The following ANK1 variants were observed in gnomAD, a reference collection of about 807,000 sequenced individuals.
ANK1 encodes ankyrin 1, also known as ankyrin-1.
In ANK1, 51 loss-of-function variants were observed where a neutral mutation model predicts 210.4. The ratio of observed to expected loss-of-function variants is 0.24; its 90% confidence interval spans 0.19 to 0.31. ANK1 has a LOEUF of 0.31. ANK1 is among the 10% of genes least tolerant of loss of function. The pLI is 1.00. For synonymous variants in ANK1, 967 were observed against 1,025.9 expected (o/e 0.94, Z 1.10); for missense variants, 2,051 against 2,504.4 (o/e 0.82, Z 3.86).
intron 4 of ANK1, 111 bp downstream of exon 4, chr8:41,727,797 C>A: frequency 9.9e-7 from 1 of 1,006,736 alleles, no homozygotes; most frequent in South Asian, 1.3e-5. Flanking sequence ...AGGCCCTGCC[C>A]CACAGTAGTG....
chr8:41,690,917 C>T lies in ANK1; in HGVS notation c.3859-318G>A, dbSNP rs55924225. On this transcript the variant is annotated intron_variant, in intron 31 of 42. Transcript: ENST00000289734. ...ATAACATAGCTTCTGAAAACAACAACAACAACAACAAACCCTGGTTCTGGG... is the reference window on the plus strand; with the variant it reads ...ATAACATAGCTTCTGAAAACAACAATAACAACAACAAACCCTGGTTCTGGG... Among the ~76,000 whole-genome samples, 21,881 of 152,120 alleles carry T rather than the reference C, an allele frequency of 0.14. 3,301 individuals carry two copies. The highest frequency in any genetic ancestry group is 0.39 in the African/African-American group (16,118 of 41,452).
chr8:41,690,198 C>T (rs752855947), intron 33 of ANK1, 29 bp downstream of exon 33: 2 of 1,610,438 alleles, frequency 1.2e-6, no homozygotes, highest in African/African-American at 2.7e-5. Flanking sequence ...CCGTCTCGGG[C>T]CAAGGCTCCT....
rs772884337 is a variant in ANK1, at chr8:41,668,271, A to G, written c.5390T>C (p.Val1797Ala). 5 of 1,614,106 alleles carry G rather than the reference A, an allele frequency of 3.1e-6. No homozygotes were observed. Among genetic ancestry groups the G allele is most frequent in the Non-Finnish European group, 4.2e-6 (5 of 1,180,042 alleles). Reference sequence around the variant, plus strand: ...CAGCTCCCCTCGGGCTCTCACCTGCACCACTTGGGTGAAGGTGTTCTTGGC... The same window carrying G: ...CAGCTCCCCTCGGGCTCTCACCTGCGCCACTTGGGTGAAGGTGTTCTTGGC... ...QEAKNTFTQVVQGNEFQNIPG... is the reference protein window; with the variant it reads ...QEAKNTFTQVAQGNEFQNIPG... The change falls in exon 39 of 43, where the codon GTG (valine) becomes GCG (alanine). Residue 1797 changes from valine to alanine, a missense_variant. Coordinates refer to ENST00000289734, the MANE Select transcript of ANK1 (RefSeq NM_000037.4).
intron 24 of ANK1, among the ~76,000 whole-genome samples, chr8:41,697,181 G>A (rs760812048): frequency 6.6e-6 from 1 of 152,198 alleles, no homozygotes. Context: ...TGACCGCCTC[G>A]CCAGTTAGCT....
intron 1 of ANK1, among the ~76,000 whole-genome samples, chr8:41,856,874 C>CTTTTTTTTTTTTTTTT (rs35341809): frequency 3.1e-5 from 3 of 95,248 alleles, no homozygotes; most frequent in African/African-American, 1.4e-4. Context: ...TAACAGCCCT[C>CTTTTTTTTTTTTTTTT]TTTTTTTTTT....
At chr8:41,800,660 A>G (rs1849721754), upstream of ANK1, among the ~76,000 whole-genome samples, 1 of 152,130 alleles carries the variant, frequency 6.6e-6, no homozygotes, top group African/African-American at 2.4e-5. Context: ...TGGAAACATT[A>G]TCCTGAATTT....
intron 1 of ANK1, among the ~76,000 whole-genome samples, chr8:41,833,044 C>G (rs1806969393): frequency 6.6e-6 from 1 of 152,202 alleles, no homozygotes; most frequent in Admixed American, 6.5e-5. Context: ...CATGCCCTCT[C>G]CAACTCCCAC....
intron 2 of ANK1, among the ~76,000 whole-genome samples, chr8:41,736,634 C>T (rs16890788): frequency 0.054 from 8,157 of 152,280 alleles, 710 homozygotes; most frequent in African/African-American, 0.18. Flanking sequence ...CTTACTTGGG[C>T]AGCGCAGTCG....
At chr8:41,690,416 A>G (rs1818952580) in intron 32 of ANK1, 58 bp downstream of exon 32, 2 of 1,614,058 alleles carry the variant, frequency 1.2e-6, no homozygotes, top group South Asian at 2.2e-5. Context: ...GGTTTAGGGA[A>G]TTCTGCCTCC....
chr8:41,677,416 A>T (rs567640613), intron 37 of ANK1, among the ~76,000 whole-genome samples: 1 of 152,038 alleles, frequency 6.6e-6, no homozygotes, highest in Non-Finnish European at 1.5e-5. Flanking sequence ...TTCTTTTTCT[A>T]ATTTCTTAAG....
At chr8:41,805,023 A>G (rs539201876) in intron 1 of ANK1, among the ~76,000 whole-genome samples, 1 of 152,164 alleles carries the variant, frequency 6.6e-6, no homozygotes, top group Non-Finnish European at 1.5e-5. Flanking sequence ...TTTACAGTAA[A>G]AAATATTAAG....
rs1193613733 is a variant in ANK1 at position 41,758,097 on chromosome 8, C to T, written c.68G>A (p.Gly23Asp). 4 of 1,613,988 alleles carry T rather than the reference C, an allele frequency of 2.5e-6. No homozygotes were observed. Among genetic ancestry groups the T allele is most frequent in the Non-Finnish European group, 3.4e-6 (4 of 1,180,044 alleles). Residue 23 changes from glycine to aspartate, a missense_variant, in exon 2 of 43, where the codon GGT (glycine) becomes GAT (aspartate). This residue lies in a region of ANK1 where 72 missense variants were observed against 133.5 expected (regional missense o/e 0.54). Coordinates refer to ENST00000289734, the MANE Select transcript of ANK1 (RefSeq NM_000037.4). ...ATSFLRAARSGNLDKALDHLR... is the reference protein window; with the variant it reads ...ATSFLRAARSDNLDKALDHLR... Reference sequence around the variant, plus strand: ...GTGATCCAAAGCTTTGTCCAAGTTACCTGATCTTGCTGCTCTCAGAAAGCT... The same window carrying T: ...GTGATCCAAAGCTTTGTCCAAGTTATCTGATCTTGCTGCTCTCAGAAAGCT...
At chr8:41,887,242 CTTTTTTT>C (rs35112522) in intron 1 of ANK1, among the ~76,000 whole-genome samples, 1 of 80,712 alleles carries the variant, frequency 1.2e-5, no homozygotes, top group Non-Finnish European at 2.2e-5. Flanking sequence ...CTTTCCTTTC[CTTTTTTT>C]TTTTTTTTTT....
intron 1 of ANK1, among the ~76,000 whole-genome samples, chr8:41,795,284 G>T (rs11986396): frequency 0.018 from 2,757 of 152,034 alleles, 29 homozygotes; most frequent in African/African-American, 0.025. Context: ...AGGCTGAAGC[G>T]GGTGGATCAC....
At chr8:41,699,365 G>T in intron 23 of ANK1, 87 bp downstream of exon 23, 1 of 1,272,618 alleles carries the variant, frequency 7.9e-7, no homozygotes. Context: ...CTGGCCTGCT[G>T]TGTCCTTCCT....
intron 17 of ANK1, among the ~76,000 whole-genome samples, chr8:41,707,937 T>C (rs894010415): frequency 6.6e-6 from 1 of 152,176 alleles, no homozygotes; most frequent in Non-Finnish European, 1.5e-5. Flanking sequence ...TCACATTGCA[T>C]GGTTCCACGT....
In ANK1 at chr8:41,654,848, G is replaced by C. The variant is rs922902633; in HGVS notation, c.*942C>G. On this transcript the variant is annotated 3_prime_UTR_variant, in exon 43 of 43. Coordinates refer to ENST00000289734, the MANE Select transcript of ANK1 (RefSeq NM_000037.4). ...CTGGTGCAATCCTGGGTCAGCCACC[G>C]GCCTGTCCCCCAACTGAGAGAGGAG... The C allele has an allele frequency of 1.3e-5, 2 of 152,536 alleles. No individual in the cohort carries two copies. The highest frequency in any genetic ancestry group is 1.3e-4 in the Admixed American group (2 of 15,262). 9.4% of individuals were successfully genotyped at this position (152,536 alleles called of 1,614,324 possible). A position where few individuals can be genotyped will look rare whatever the true frequency, so the allele number is the denominator to read the frequency against.
intron 1 of ANK1, among the ~76,000 whole-genome samples, chr8:41,795,556 A>C (rs1848594750): frequency 6.6e-6 from 1 of 152,032 alleles, no homozygotes; most frequent in African/African-American, 2.4e-5. Flanking sequence ...AAAACTAATT[A>C]CAGCTGCTTG....
At chr8:41,757,936 C>T in intron 2 of ANK1, 100 bp downstream of exon 2, 1 of 1,128,926 alleles carries the variant, frequency 8.9e-7, no homozygotes, top group African/African-American at 1.5e-5. Flanking sequence ...TTTGAGGCCA[C>T]TGAGAAAAGG....
Sources: allele counts gnomAD v4.1 joint callset (sites outside exome capture counted in the v4.1 genomes callset), GRCh38; gene constraint gnomAD v4.1.1; regional missense constraint gnomAD v4.1.1; transcripts MANE v1.5; gene names NCBI Gene and HGNC (gene_info 2026-07-23, HGNC 2026-07-21).